NTM: variants seen among roughly 807,000 people sequenced by gnomAD.
The protein encoded by NTM is neurotrimin.
Under a neutral mutation model 42.1 loss-of-function variants are expected in NTM, and 13 were observed. That is an observed-to-expected ratio of 0.31 (90% CI 0.20 to 0.49). NTM has a LOEUF of 0.49. Ranked by LOEUF, NTM falls within the 20% of genes least tolerant of loss-of-function variation. The pLI is 0.99. For missense variants in NTM, 373 were observed against 452.8 expected (o/e 0.82, Z 1.60); for synonymous variants, 187 against 179.2 (o/e 1.04, Z -0.35).
At chr11:132,240,273 T>C (rs2089972066) in intron 4 of NTM, among the ~76,000 whole-genome samples, 2 of 152,270 alleles carry the variant, frequency 1.3e-5, no homozygotes, top group South Asian at 4.1e-4. Flanking sequence ...AGTCCTTCTC[T>C]TTTTTCCTCA....
At chr11:131,891,203 T>C (rs1321803152) in intron 1 of NTM, among the ~76,000 whole-genome samples, 2 of 152,170 alleles carry the variant, frequency 1.3e-5, no homozygotes, top group Non-Finnish European at 2.9e-5. Flanking sequence ...GAAGGCAGTG[T>C]GTTCAATGTG....
intron 7 of NTM, 73 bp from the exon 8 acceptor site, chr11:132,330,080 A>G (rs1414836940): frequency 5.2e-6 from 8 of 1,541,486 alleles, no homozygotes; most frequent in Admixed American, 4.0e-5. Context: ...TCTTCCTGAA[A>G]TCATCTGAGG....
chr11:131,634,110 G>C (rs2134155717), intron 1 of NTM, among the ~76,000 whole-genome samples: 2 of 152,266 alleles, frequency 1.3e-5, no homozygotes, highest in East Asian at 3.9e-4. Flanking sequence ...AGCATACTGG[G>C]TAAACAGGAG....
rs114120341 is a variant in NTM, at chr11:132,280,789, G to C, written c.527-26900G>C. 2.4e-3 allele frequency among the ~76,000 whole-genome samples: 363 copies of C among 151,868 alleles called. 1 individual carries two copies. Among genetic ancestry groups the C allele is most frequent in the African/African-American group, 8.2e-3 (339 of 41,396 alleles). On this transcript the variant is annotated intron_variant, in intron 4 of 8. Coordinates refer to ENST00000683400, the MANE Select transcript of NTM (RefSeq NM_001352005.2). ...GCCTGAGTCACCACCCCTGGCCTCT[G>C]ATAGTCTTCTTATTGTGAATTGTAG...
At position 131,932,910 on chromosome 11, in the gene NTM, C is replaced by T. The variant is rs144493967; in HGVS notation, c.167+21262C>T. Among the ~76,000 whole-genome samples, 1,010 of 152,174 alleles carry T rather than the reference C, an allele frequency of 6.6e-3. 6 individuals are homozygous for T. Among genetic ancestry groups the T allele is most frequent in the African/African-American group, 0.023 (938 of 41,506 alleles). Reference sequence around the variant, plus strand: ...ACACAAAGCCTCTTAAAAGCAATGGCCGGTGAATAAGCCAGAAGCCATAAA... The same window carrying T: ...ACACAAAGCCTCTTAAAAGCAATGGTCGGTGAATAAGCCAGAAGCCATAAA... On this transcript the variant is annotated intron_variant, in intron 2 of 8. Coordinates refer to ENST00000683400, the MANE Select transcript of NTM (RefSeq NM_001352005.2).
chr11:131,889,652 G>A (rs111512064), intron 1 of NTM, among the ~76,000 whole-genome samples: 2,371 of 152,226 alleles, frequency 0.016, 55 homozygotes, highest in African/African-American at 0.052. Flanking sequence ...CTAGTAAGGA[G>A]TAGGGACTTT....
intron 2 of NTM, among the ~76,000 whole-genome samples, chr11:132,096,246 A>G (rs768939442): frequency 1.3e-5 from 2 of 152,098 alleles, no homozygotes; most frequent in Non-Finnish European, 2.9e-5. Context: ...GTTTCACATT[A>G]CTAGAGTAAC....
At chr11:131,888,441 C>T (rs1215598703) in intron 1 of NTM, among the ~76,000 whole-genome samples, 1 of 152,188 alleles carries the variant, frequency 6.6e-6, no homozygotes, top group African/African-American at 2.4e-5. Flanking sequence ...GCCCGGATCT[C>T]CTGCCTTAGG....
chr11:131,392,178 G>A (rs1397682589), intron 1 of NTM, among the ~76,000 whole-genome samples: 2 of 152,248 alleles, frequency 1.3e-5, no homozygotes, highest in Non-Finnish European at 2.9e-5. Flanking sequence ...CTATATTACA[G>A]TGTTTCAATA....
At chr11:131,502,413 T>A (rs2046946750) in intron 1 of NTM, among the ~76,000 whole-genome samples, 1 of 152,158 alleles carries the variant, frequency 6.6e-6, no homozygotes, top group Non-Finnish European at 1.5e-5. Context: ...ACACAGGTTA[T>A]GGCATTTGGT....
chr11:132,142,608 C>G (rs1426942145), intron 2 of NTM, among the ~76,000 whole-genome samples: 1 of 152,122 alleles, frequency 6.6e-6, no homozygotes, highest in East Asian at 1.9e-4. Context: ...GCCGAGGTAC[C>G]TTTGTGATCC....
intron 1 of NTM, among the ~76,000 whole-genome samples, chr11:131,724,062 C>T (rs1399938411): frequency 6.6e-6 from 1 of 152,130 alleles, no homozygotes; most frequent in African/African-American, 2.4e-5. Context: ...CAGAACAAGT[C>T]AGAGGAGGGA....
chr11:131,755,053 T>C (rs764118567), intron 1 of NTM, among the ~76,000 whole-genome samples: 1 of 152,164 alleles, frequency 6.6e-6, no homozygotes. Flanking sequence ...CCTTGGGTAT[T>C]GATGGCAGGA....
chr11:131,619,752 A>G (rs764385163), intron 1 of NTM, among the ~76,000 whole-genome samples: 13 of 152,174 alleles, frequency 8.5e-5, no homozygotes, highest in Non-Finnish European at 1.8e-4. Context: ...AAAATGTAAC[A>G]GATAAGTCAC....
intron 1 of NTM, among the ~76,000 whole-genome samples, chr11:131,393,393 T>C (rs1189401089): frequency 6.6e-6 from 1 of 152,172 alleles, no homozygotes; most frequent in African/African-American, 2.4e-5. Context: ...TGGGAAGTGA[T>C]GGAGGAATGG....
rs187914154 is a variant in NTM, at chr11:131,847,010, A to G, written c.83-64554A>G. Among the ~76,000 whole-genome samples, 4 of 152,336 alleles carry G rather than the reference A, an allele frequency of 2.6e-5. No homozygotes were observed. In the East Asian group the frequency reaches 7.7e-4, roughly 29 times the overall value. ...TTGTTAAGGCTCTGGCTTAAAAGCTATAAAGTAGGAACTTGATCATGATGT... is the reference window on the plus strand; with the variant it reads ...TTGTTAAGGCTCTGGCTTAAAAGCTGTAAAGTAGGAACTTGATCATGATGT... On this transcript the variant is annotated intron_variant, in intron 1 of 8. Coordinates refer to ENST00000683400, the MANE Select transcript of NTM (RefSeq NM_001352005.2).
intron 1 of NTM, among the ~76,000 whole-genome samples, chr11:131,646,730 T>C (rs1183644369): frequency 6.6e-6 from 1 of 152,100 alleles, no homozygotes; most frequent in Non-Finnish European, 1.5e-5. Flanking sequence ...CAGAAACGTA[T>C]AGTGGGGAAC....
intron 1 of NTM, among the ~76,000 whole-genome samples, chr11:131,819,514 GA>G (rs1247339067): frequency 1.3e-5 from 2 of 152,138 alleles, no homozygotes; most frequent in Non-Finnish European, 2.9e-5. Context: ...TTTAGCAAGA[GA>G]GACATACATA....
intron 2 of NTM, among the ~76,000 whole-genome samples, chr11:132,054,619 G>A (rs2079335204): frequency 1.3e-5 from 2 of 152,200 alleles, no homozygotes; most frequent in Admixed American, 1.3e-4. Context: ...TATACTGGTA[G>A]CTGGTAGAAT....
Sources: gnomAD v4.1 joint callset for allele counts (sites outside exome capture counted in the v4.1 genomes callset) on GRCh38, gnomAD v4.1.1 for gene constraint, MANE v1.5 for transcripts, NCBI Gene and HGNC (gene_info 2026-07-23, HGNC 2026-07-21) for gene names.